NFIA: variants seen among roughly 807,000 people sequenced by gnomAD.
NFIA encodes nuclear factor 1 A-type.
A neutral mutation model predicts 62.8 loss-of-function variants in NFIA; 8 were observed. That is an observed-to-expected ratio of 0.13 (90% CI 0.07 to 0.23). The LOEUF is 0.23. Among genes scored for constraint, NFIA ranks in the 10% least tolerant of loss-of-function variants. The probability of loss-of-function intolerance (pLI) is 1.00; values close to 1 mark genes in which losing one functional copy is unlikely to be tolerated. For missense variants in NFIA, 410 were observed against 642.1 expected (o/e 0.64, Z 3.91); for synonymous variants, 235 against 238.1 (o/e 0.99, Z 0.12).
At chr1:61,351,637 C>A (rs1244282301) in intron 4 of NFIA, among the ~76,000 whole-genome samples, 2 of 152,136 alleles carry the variant, frequency 1.3e-5, no homozygotes, top group African/African-American at 4.8e-5. Flanking sequence ...AAAAAGGTAT[C>A]TAAAGATTCA....
At chr1:61,184,017 G>C (rs1475341009) in intron 2 of NFIA, among the ~76,000 whole-genome samples, 1 of 149,980 alleles carries the variant, frequency 6.7e-6, no homozygotes, top group African/African-American at 2.5e-5. Context: ...TCAAGCTTTT[G>C]ACAGTGCCTG....
At chr1:61,238,298 A>G (rs946429206) in intron 2 of NFIA, among the ~76,000 whole-genome samples, 1 of 152,212 alleles carries the variant, frequency 6.6e-6, no homozygotes, top group Non-Finnish European at 1.5e-5. Flanking sequence ...AAATAAATCT[A>G]TCTGTAACAC....
chr1:61,077,686 C>T (rs866583542), upstream of NFIA: 287 of 1,319,790 alleles, frequency 2.2e-4, 1 homozygote, highest in Middle Eastern at 2.8e-3. Context: ...GTTTTATAAA[C>T]AATGGTAGAA....
Position 61,424,443 on chromosome 1 carries a change from T to C in NFIA, c.1421-2022T>C, listed in dbSNP as rs575357705. Among the ~76,000 whole-genome samples, 5 of 152,202 alleles carry C rather than the reference T, an allele frequency of 3.3e-5. No homozygotes were observed. In the East Asian group the frequency reaches 9.7e-4, roughly 29 times the overall value. On this transcript the variant is annotated intron_variant, in intron 9 of 10. Coordinates refer to ENST00000403491, the MANE Select transcript of NFIA (RefSeq NM_001134673.4). ...AAGAATGTCATAGGAAATCCTGCTATGTGTCTATGATGAGCAGCAGGCGAG... is the reference window on the plus strand; with the variant it reads ...AAGAATGTCATAGGAAATCCTGCTACGTGTCTATGATGAGCAGCAGGCGAG...
chr1:61,413,766 G>A (rs185521435), intron 9 of NFIA, among the ~76,000 whole-genome samples: 7,602 of 144,636 alleles, frequency 0.053, 635 homozygotes, highest in African/African-American at 0.18. Context: ...AGCTGGGACT[G>A]CAGGCACCCA....
intron 7 of NFIA, among the ~76,000 whole-genome samples, chr1:61,395,653 A>G (rs1022577779): frequency 1.4e-4 from 21 of 152,182 alleles, no homozygotes; most frequent in African/African-American, 4.8e-4. Flanking sequence ...AATATTTCCA[A>G]TAATCACAGC....
chr1:61,362,735 CT>C (rs1463583201), intron 6 of NFIA, among the ~76,000 whole-genome samples: 8 of 152,198 alleles, frequency 5.3e-5, no homozygotes, highest in African/African-American at 1.9e-4. Flanking sequence ...TTCAGAATGA[CT>C]TTCGCTTCTC....
chr1:61,196,141 TTA>T (rs1225031398), intron 2 of NFIA, among the ~76,000 whole-genome samples: 1 of 152,170 alleles, frequency 6.6e-6, no homozygotes, highest in Non-Finnish European at 1.5e-5. Context: ...TGTAGGTGCT[TTA>T]TATGTGTTTT....
At chr1:61,257,664 T>TC (rs1240352388) in intron 2 of NFIA, among the ~76,000 whole-genome samples, 4 of 152,060 alleles carry the variant, frequency 2.6e-5, no homozygotes, top group African/African-American at 7.2e-5. Flanking sequence ...TGAAGCTTTT[T>TC]CCCCTCTCAT....
intron 6 of NFIA, among the ~76,000 whole-genome samples, chr1:61,362,562 A>G (rs1663355784): frequency 6.6e-6 from 1 of 152,228 alleles, no homozygotes; most frequent in Admixed American, 6.5e-5. Flanking sequence ...GGAAAGTAAA[A>G]CAAACCAGAC....
At chr1:61,166,845 C>G (rs922825802) in intron 2 of NFIA, among the ~76,000 whole-genome samples, 1 of 152,142 alleles carries the variant, frequency 6.6e-6, no homozygotes, top group African/African-American at 2.4e-5. Context: ...GAACTTACAT[C>G]TTTTCCTTCC....
chr1:61,220,639 T>G (rs1257929775), intron 2 of NFIA, among the ~76,000 whole-genome samples: 1 of 152,226 alleles, frequency 6.6e-6, no homozygotes, highest in Non-Finnish European at 1.5e-5. Flanking sequence ...GAACAGTGGC[T>G]TTTATGTAAT....
chr1:61,431,451 A>G (rs1185707192), intron 10 of NFIA, among the ~76,000 whole-genome samples: 2 of 152,220 alleles, frequency 1.3e-5, no homozygotes, highest in East Asian at 1.9e-4. Flanking sequence ...TACCACCCAA[A>G]TCTATCACTG....
intron 3 of NFIA, among the ~76,000 whole-genome samples, chr1:61,331,477 T>C (rs1014727565): frequency 2.0e-5 from 3 of 152,246 alleles, no homozygotes; most frequent in African/African-American, 7.2e-5. Flanking sequence ...ATTTTGTTTA[T>C]GGATTGTTAT....
chr1:61,311,222 T>G (rs1480873522), intron 3 of NFIA, among the ~76,000 whole-genome samples: 2 of 151,946 alleles, frequency 1.3e-5, no homozygotes, highest in African/African-American at 4.8e-5. Context: ...AGAAACCCCA[T>G]CTCTACTAAA....
rs201751055 is a variant in NFIA, at chr1:61,101,004, T to C, written c.559+12324T>C. The stretch of plus-strand genomic sequence containing the variant: ...ATTCTATCGTTTGACTATATTTCTA[T>C]TGTGTTAAATTTTTTGTTTTCTTAT... On this transcript the variant is annotated intron_variant, in intron 2 of 10. Coordinates refer to ENST00000403491, the MANE Select transcript of NFIA (RefSeq NM_001134673.4). Among the ~76,000 whole-genome samples the C allele has an allele frequency of 3.3e-5, 5 of 152,216 alleles. No individual in the cohort carries two copies. The East Asian group carries it at 9.7e-4, about 29-fold the overall frequency.
At chr1:61,130,225 A>G (rs1279621025) in intron 2 of NFIA, among the ~76,000 whole-genome samples, 2 of 152,168 alleles carry the variant, frequency 1.3e-5, no homozygotes, top group East Asian at 3.9e-4. Flanking sequence ...GGCTGTTTCC[A>G]GTTGTCTGGG....
intron 3 of NFIA, among the ~76,000 whole-genome samples, chr1:61,291,561 A>AT (rs1274046710): frequency 1.3e-5 from 2 of 152,350 alleles, no homozygotes; most frequent in East Asian, 3.9e-4. Flanking sequence ...ATTCTAAGAT[A>AT]TAGAGGACAA....
intron 6 of NFIA, among the ~76,000 whole-genome samples, chr1:61,363,709 A>G (rs1168185659): frequency 6.6e-6 from 1 of 152,178 alleles, no homozygotes; most frequent in Non-Finnish European, 1.5e-5. Flanking sequence ...CTTAATCTAG[A>G]GAAGAAATAT....
Sources: gnomAD v4.1 joint callset for allele counts (sites outside exome capture counted in the v4.1 genomes callset) on GRCh38, gnomAD v4.1.1 for gene constraint, MANE v1.5 for transcripts, NCBI Gene and HGNC (gene_info 2026-07-23, HGNC 2026-07-21) for gene names.